Variants in MAML2 observed in about 807,000 individuals in gnomAD.
The protein encoded by MAML2 is mastermind-like protein 2.
MAML2 carries 22 observed loss-of-function variants against 96.1 expected under a neutral mutation model. The observed-to-expected ratio is 0.23, with a 90% CI of 0.16 to 0.33. The LOEUF (loss-of-function observed/expected upper bound fraction) is 0.33. Among genes scored for constraint, MAML2 ranks in the 10% least tolerant of loss-of-function variants. The probability of loss-of-function intolerance (pLI) is 1.00; values close to 1 mark genes in which losing one functional copy is unlikely to be tolerated. For missense variants in MAML2, 1,367 were observed against 1,392.4 expected (o/e 0.98, Z 0.29); for synonymous variants, 561 against 521.3 (o/e 1.08, Z -1.04).
At chr11:96,204,628 G>A (rs11021469) in intron 1 of MAML2, among the ~76,000 whole-genome samples, 22,682 of 152,112 alleles carry the variant, frequency 0.15, 1,956 homozygotes, top group Middle Eastern at 0.25. Context: ...GCATTAAGAG[G>A]TCTCACCAAA....
intron 1 of MAML2, among the ~76,000 whole-genome samples, chr11:96,120,004 C>A (rs1472510219): frequency 7.0e-6 from 1 of 143,386 alleles, no homozygotes; most frequent in East Asian, 2.1e-4. Context: ...GTTACCCAGG[C>A]TGGAGTGCAG....
At chr11:96,133,640 C>T (rs575822218) in intron 1 of MAML2, among the ~76,000 whole-genome samples, 2 of 152,212 alleles carry the variant, frequency 1.3e-5, no homozygotes, top group East Asian at 3.9e-4. Flanking sequence ...ATTTGTACTT[C>T]AGATGAGGAG....
intron 1 of MAML2, among the ~76,000 whole-genome samples, chr11:96,171,469 T>A (rs760596457): frequency 6.6e-5 from 10 of 152,204 alleles, no homozygotes; most frequent in Non-Finnish European, 1.0e-4. Flanking sequence ...TGAGGGCATC[T>A]CTATTCCCAG....
At chr11:96,188,106 A>G (rs1488316464) in intron 1 of MAML2, among the ~76,000 whole-genome samples, 1 of 152,220 alleles carries the variant, frequency 6.6e-6, no homozygotes, top group Admixed American at 6.5e-5. Flanking sequence ...CTGGAAAGTG[A>G]TGAAAACAGA....
chr11:96,030,686 A>G (rs1196809632), intron 2 of MAML2, among the ~76,000 whole-genome samples: 3 of 152,244 alleles, frequency 2.0e-5, no homozygotes, highest in Non-Finnish European at 4.4e-5. Context: ...TGAGTGTTCT[A>G]TAGTGACCCA....
chr11:96,311,014 TTACATG>T (rs1169822717), intron 1 of MAML2, among the ~76,000 whole-genome samples: 1 of 152,214 alleles, frequency 6.6e-6, no homozygotes, highest in Non-Finnish European at 1.5e-5. Context: ...GCTAAGTACT[TTACATG>T]TATCATCTCA....
chr11:96,071,676 G>T (rs931461966), intron 2 of MAML2, among the ~76,000 whole-genome samples: 7 of 152,148 alleles, frequency 4.6e-5, no homozygotes, highest in African/African-American at 1.7e-4. Context: ...CTCATGGACT[G>T]GTAGACTGAA....
intron 2 of MAML2, among the ~76,000 whole-genome samples, chr11:96,060,050 C>T (rs1859130966): frequency 1.3e-5 from 2 of 152,054 alleles, no homozygotes; most frequent in Non-Finnish European, 2.9e-5. Flanking sequence ...TTGAATAAAG[C>T]CAAGAGGGAA....
chr11:95,977,720 G>A lies in MAML2; in HGVS notation c.*1228C>T, dbSNP rs78762050. On this transcript the variant is annotated 3_prime_UTR_variant, in exon 5 of 5. Coordinates refer to ENST00000524717, the MANE Select transcript of MAML2 (RefSeq NM_032427.4). ...GAGGGACAAAACCTGGATATGAAGA[G>A]TCCATCTAGCATGTGGCAATGATTC... is the stretch of plus-strand genomic sequence containing the variant. 8.7e-4 allele frequency: 194 copies of A among 223,334 alleles called. 1 individual carries two copies. In the East Asian group the frequency reaches 0.012, roughly 14 times the overall value. The allele number at this position is 223,334 out of a possible 1,614,324, so 13.8% of individuals were successfully genotyped here. A position where few individuals can be genotyped will look rare whatever the true frequency, so the allele number is the denominator to read the frequency against.
rs1858745835 is a variant in MAML2, at chr11:96,037,997, C to T, written c.2140-46274G>A. Among the ~76,000 whole-genome samples the T allele has an allele frequency of 5.3e-5, 8 of 152,182 alleles. No homozygotes were observed. The South Asian group carries it at 1.7e-3, about 32-fold the overall frequency. On this transcript the variant is annotated intron_variant, in intron 2 of 4. Transcript: ENST00000524717. The stretch of plus-strand genomic sequence containing the variant: ...TACTAAAGAGAATGTTGAAAATCCA[C>T]ATTCTTGTGCCATAATTAGAATAAC...
At chr11:96,007,540 A>T (rs978829118) in intron 2 of MAML2, among the ~76,000 whole-genome samples, 7 of 152,108 alleles carry the variant, frequency 4.6e-5, no homozygotes, top group African/African-American at 1.7e-4. Context: ...GTTTATTTAC[A>T]TGTATGTTTT....
intron 1 of MAML2, among the ~76,000 whole-genome samples, chr11:96,118,594 A>G (rs773542542): frequency 6.6e-6 from 1 of 152,226 alleles, no homozygotes; most frequent in Admixed American, 6.5e-5. Flanking sequence ...CTCATCATAT[A>G]GTAATTTCTC....
chr11:96,107,969 G>C (rs1860051455), intron 1 of MAML2, among the ~76,000 whole-genome samples: 1 of 152,158 alleles, frequency 6.6e-6, no homozygotes, highest in African/African-American at 2.4e-5. Flanking sequence ...TAAATGTTAA[G>C]TGTTTCCCTG....
chr11:96,201,781 T>C lies in MAML2; in HGVS notation c.514-108264A>G, dbSNP rs1434482929. Among the ~76,000 whole-genome samples, 3 of 150,870 alleles carry C rather than the reference T, an allele frequency of 2.0e-5. 1 individual carries two copies. Among genetic ancestry groups the C allele is most frequent in the Non-Finnish European group, 4.4e-5 (3 of 67,774 alleles). Reference sequence around the variant, plus strand: ...AAAAATACAAAAAATTAGCCCAGCGTGGTGGCGGGCACCTGTAGTCCCAGC... The same window carrying C: ...AAAAATACAAAAAATTAGCCCAGCGCGGTGGCGGGCACCTGTAGTCCCAGC... On this transcript the variant is annotated intron_variant, in intron 1 of 4. Coordinates refer to ENST00000524717, the MANE Select transcript of MAML2 (RefSeq NM_032427.4).
intron 1 of MAML2, among the ~76,000 whole-genome samples, chr11:96,123,169 C>T (rs1387329991): frequency 6.6e-6 from 1 of 152,166 alleles, no homozygotes; most frequent in Non-Finnish European, 1.5e-5. Flanking sequence ...TCTTTCAATC[C>T]CCATCCTTCC....
intron 3 of MAML2, among the ~76,000 whole-genome samples, chr11:95,991,201 T>G (rs1213259557): frequency 6.6e-6 from 1 of 152,220 alleles, no homozygotes; most frequent in African/African-American, 2.4e-5. Flanking sequence ...TTACTGTTTC[T>G]GCCCCTTAAG....
intron 2 of MAML2, among the ~76,000 whole-genome samples, chr11:96,083,987 G>T (rs1248305833): frequency 6.6e-6 from 1 of 152,158 alleles, no homozygotes; most frequent in Non-Finnish European, 1.5e-5. Context: ...GAAAATTTAG[G>T]ATTAGGTTAG....
At chr11:96,338,113 T>C (rs1021700072) in intron 1 of MAML2, among the ~76,000 whole-genome samples, 2 of 152,232 alleles carry the variant, frequency 1.3e-5, no homozygotes, top group Non-Finnish European at 2.9e-5. Flanking sequence ...AAAGAGCTTG[T>C]CTCAGGCAAA....
At chr11:96,032,411 A>G (rs1429417594) in intron 2 of MAML2, among the ~76,000 whole-genome samples, 2 of 152,112 alleles carry the variant, frequency 1.3e-5, no homozygotes, top group African/African-American at 2.4e-5. Flanking sequence ...CAACATGGTG[A>G]AACCCATCTC....
Sources: allele counts gnomAD v4.1 joint callset (sites outside exome capture counted in the v4.1 genomes callset), GRCh38; gene constraint gnomAD v4.1.1; transcripts MANE v1.5; gene names NCBI Gene and HGNC (gene_info 2026-07-23, HGNC 2026-07-21).